The following SYT17 variants were observed in gnomAD, a reference collection of about 807,000 sequenced individuals.
SYT17 encodes synaptotagmin 17.
SYT17 carries 22 observed loss-of-function variants against 46.7 expected under a neutral mutation model. The ratio of observed to expected loss-of-function variants is 0.47; its 90% CI spans 0.34 to 0.67. The LOEUF (loss-of-function observed/expected upper bound fraction) is 0.67, where lower values mean the gene tolerates loss of function less well. Among genes scored for constraint, SYT17 ranks in the 30% least tolerant of loss-of-function variants. The pLI is 0.01. For synonymous variants in SYT17, 251 were observed against 248.4 expected (o/e 1.01, Z -0.10); for missense variants, 519 against 612.8 (o/e 0.85, Z 1.62).
intron 5 of SYT17, among the ~76,000 whole-genome samples, chr16:19,188,973 G>A (rs1178765610): frequency 6.6e-6 from 1 of 151,500 alleles, no homozygotes; most frequent in Non-Finnish European, 1.5e-5. Context: ...TGCAAGCTCC[G>A]CCTCCCGGGT....
chr16:19,197,848 C>T (rs919105749), intron 5 of SYT17, among the ~76,000 whole-genome samples: 1 of 152,178 alleles, frequency 6.6e-6, no homozygotes, highest in Admixed American at 6.5e-5. Context: ...AGTGACTTGT[C>T]CAATGTCACA....
chr16:19,200,046 T>A (rs1314936734), intron 5 of SYT17, among the ~76,000 whole-genome samples: 2 of 152,196 alleles, frequency 1.3e-5, no homozygotes, highest in African/African-American at 4.8e-5. Context: ...AGTTAGTAAA[T>A]GGCAGAGCCA....
At position 19,267,107 on chromosome 16, in the gene SYT17, TAAA is replaced by T. The variant is rs11379176; in HGVS notation, c.*45_*47del. 305 of 1,311,542 alleles carry T rather than the reference TAAA, an allele frequency of 2.3e-4. No homozygotes were observed. Among genetic ancestry groups the T allele is most frequent in the South Asian group, 3.7e-4 (22 of 59,644 alleles). 81.2% of individuals were successfully genotyped at this position (1,311,542 alleles called of 1,614,324 possible). A position where few individuals can be genotyped will look rare whatever the true frequency, so the allele number is the denominator to read the frequency against. On this transcript the variant is annotated 3_prime_UTR_variant, in exon 8 of 8. Coordinates refer to ENST00000355377, the MANE Select transcript of SYT17 (RefSeq NM_016524.4). ...GCAGGGAAGGCAGCTTTCATTTGTT[TAAA>T]AAAAAAAAAAAAAGACGGAAAAAAA...
At chr16:19,217,458 G>A (rs760812175) in intron 5 of SYT17, among the ~76,000 whole-genome samples, 2 of 152,100 alleles carry the variant, frequency 1.3e-5, no homozygotes, top group African/African-American at 4.8e-5. Context: ...TTTTATCAAT[G>A]GAACTGTACA....
At chr16:19,240,272 C>T (rs377732161) in intron 7 of SYT17, among the ~76,000 whole-genome samples, 24 of 152,266 alleles carry the variant, frequency 1.6e-4, no homozygotes, top group African/African-American at 4.8e-4. Context: ...GAATGAGGTA[C>T]GCAGACAAGT....
In SYT17 at chr16:19,187,445, G is replaced by GC. The variant is rs1251248371; in HGVS notation, c.951+3299dup. 3.3e-5 allele frequency among the ~76,000 whole-genome samples: 5 copies of GC among 152,150 alleles called. No individual in the cohort carries two copies. The East Asian group carries it at 9.6e-4, about 29-fold the overall frequency. ...CAGTAATTCCAATATAGCAGGTCTT[G>GC]CACCGTTGGAGTGGATCAGGATGTA... is the stretch of plus-strand genomic sequence containing the variant. On this transcript the variant is annotated intron_variant, in intron 5 of 7. Coordinates refer to ENST00000355377, the MANE Select transcript of SYT17 (RefSeq NM_016524.4).
Position 19,247,995 on chromosome 16 carries a change from C to T in SYT17, c.1229-18885C>T, listed in dbSNP as rs536094224. Reference sequence around the variant, plus strand: ...ATATATCCAACAAAGAGCCCATATCCGGAATATATAAAGAGCTCTTGTAAC... The same window carrying T: ...ATATATCCAACAAAGAGCCCATATCTGGAATATATAAAGAGCTCTTGTAAC... On this transcript the variant is annotated intron_variant, in intron 7 of 7. Coordinates refer to ENST00000355377, the MANE Select transcript of SYT17 (RefSeq NM_016524.4). 1.4e-4 allele frequency among the ~76,000 whole-genome samples: 22 copies of T among 152,170 alleles called. No homozygotes were observed. In the South Asian group the frequency reaches 1.5e-3, roughly 10 times the overall value.
At chr16:19,194,036 A>G (rs1010128776) in intron 5 of SYT17, among the ~76,000 whole-genome samples, 7 of 152,184 alleles carry the variant, frequency 4.6e-5, no homozygotes, top group South Asian at 2.1e-4. Flanking sequence ...AGGGCTCAGA[A>G]TGCGGCATCT....
rs145224648 is a variant in SYT17, at chr16:19,219,631, T to C, written c.952-3414T>C. The stretch of plus-strand genomic sequence containing the variant: ...CGTAACTGCTACCACAATCAAGATA[T>C]AGCATATTGCTATCACCCAAGAAAT... On this transcript the variant is annotated intron_variant, in intron 5 of 7. Coordinates refer to ENST00000355377, the MANE Select transcript of SYT17 (RefSeq NM_016524.4). Among the ~76,000 whole-genome samples, 314 of 152,322 alleles carry C rather than the reference T, an allele frequency of 2.1e-3. 1 individual carries two copies. Among genetic ancestry groups the C allele is most frequent in the African/African-American group, 6.8e-3 (282 of 41,574 alleles).
chr16:19,255,929 A>G (rs185341738), intron 7 of SYT17, among the ~76,000 whole-genome samples: 3 of 152,242 alleles, frequency 2.0e-5, no homozygotes, highest in Admixed American at 2.0e-4. Flanking sequence ...TCCTTGCTAG[A>G]TCATCTCCAC....
At chr16:19,261,353 TA>T (rs1259763701) in intron 7 of SYT17, among the ~76,000 whole-genome samples, 2 of 152,250 alleles carry the variant, frequency 1.3e-5, no homozygotes, top group African/African-American at 4.8e-5. Flanking sequence ...GCCTGCTAAT[TA>T]ACTCAGATGG....
At position 19,213,192 on chromosome 16, in the gene SYT17, C is replaced by T. The variant is rs892993277; in HGVS notation, c.952-9853C>T. 3.3e-5 allele frequency among the ~76,000 whole-genome samples: 5 copies of T among 152,208 alleles called. No individual in the cohort carries two copies. In the South Asian group the frequency reaches 1.0e-3, roughly 31 times the overall value. Reference sequence around the variant, plus strand: ...TTTACTTCTGTAGGAAGGTGTTTCTCACAGGTCTAGTCATCATGAGAGTGC... The same window carrying T: ...TTTACTTCTGTAGGAAGGTGTTTCTTACAGGTCTAGTCATCATGAGAGTGC... On this transcript the variant is annotated intron_variant, in intron 5 of 7. Transcript: ENST00000355377.
chr16:19,245,309 T>A (rs1379330712), intron 7 of SYT17, among the ~76,000 whole-genome samples: 3 of 151,952 alleles, frequency 2.0e-5, no homozygotes, highest in Non-Finnish European at 4.4e-5. Context: ...TGGCCAGGGG[T>A]GCTGCCAAAT....
intron 7 of SYT17, among the ~76,000 whole-genome samples, chr16:19,251,166 C>T (rs1350723307): frequency 5.9e-5 from 9 of 151,686 alleles, no homozygotes; most frequent in Admixed American, 5.9e-4. Context: ...TCTTTCAGAG[C>T]ATAATTTGGG....
In SYT17 at chr16:19,249,555, C is replaced by T. The variant is rs190975519; in HGVS notation, c.1229-17325C>T. 1.2e-4 allele frequency among the ~76,000 whole-genome samples: 19 copies of T among 152,158 alleles called. No individual in the cohort carries two copies. The East Asian group carries it at 1.7e-3, about 14-fold the overall frequency. Reference sequence around the variant, plus strand: ...TGTAAATAAGACTTTAATAAGACTGCGGGGATATTTTTTAAAAATGAAACA... The same window carrying T: ...TGTAAATAAGACTTTAATAAGACTGTGGGGATATTTTTTAAAAATGAAACA... On this transcript the variant is annotated intron_variant, in intron 7 of 7. Coordinates refer to ENST00000355377, the MANE Select transcript of SYT17 (RefSeq NM_016524.4).
chr16:19,221,058 C>T (rs1457281389), intron 5 of SYT17, among the ~76,000 whole-genome samples: 1 of 151,672 alleles, frequency 6.6e-6, no homozygotes, highest in Non-Finnish European at 1.5e-5. Context: ...GGCATAGTGG[C>T]ACATGCCGTA....
At chr16:19,180,282 TA>T in intron 3 of SYT17, 108 bp from the exon 4 acceptor site, 1 of 1,218,122 alleles carries the variant, frequency 8.2e-7, no homozygotes, top group Non-Finnish European at 1.2e-6. Flanking sequence ...CCATGTTGCA[TA>T]AAATGAGTCT....
At position 19,239,996 on chromosome 16, in the gene SYT17, C is replaced by T. The variant is rs144683098; in HGVS notation, c.1228+15158C>T. 3.8e-3 allele frequency among the ~76,000 whole-genome samples: 578 copies of T among 152,328 alleles called. 7 individuals are homozygous for T. Among genetic ancestry groups the T allele is most frequent in the South Asian group, 0.027 (129 of 4,832 alleles). On this transcript the variant is annotated intron_variant, in intron 7 of 7. Transcript: ENST00000355377. ...CCAGGATCACCACAAGCAGCTTCAA[C>T]GGCTGGCACCGGGGAACACAGTGGT...
At chr16:19,172,226 T>G in intron 1 of SYT17, 1 of 727,028 alleles carries the variant, frequency 1.4e-6, no homozygotes, top group Non-Finnish European at 1.8e-6. Flanking sequence ...AGGGCTTCCT[T>G]TTTAGTTCCC....
Sources: gnomAD v4.1 joint callset for allele counts (sites outside exome capture counted in the v4.1 genomes callset) on GRCh38, gnomAD v4.1.1 for gene constraint, MANE v1.5 for transcripts, NCBI Gene and HGNC (gene_info 2026-07-23, HGNC 2026-07-21) for gene names.